Variants in ENPP3 observed in about 807,000 individuals in gnomAD.
ENPP3 encodes ectonucleotide pyrophosphatase/phosphodiesterase 3.
In ENPP3, 104 loss-of-function variants were observed where a neutral mutation model predicts 117.8. The ratio of observed to expected loss-of-function variants is 0.88; its 90% CI spans 0.75 to 1.04. ENPP3 has a LOEUF of 1.04. Among genes scored for constraint, ENPP3 ranks in the 50% least tolerant of loss-of-function variants. The pLI, the probability that ENPP3 is intolerant of heterozygous loss-of-function variation, is 0.00. For synonymous variants in ENPP3, 380 were observed against 349.9 expected, an observed-to-expected ratio of 1.09 and a Z score of -0.96; for missense variants, 1,026 against 1,051.9, an observed-to-expected ratio of 0.98 and a Z score of 0.34.
intron 24 of ENPP3, among the ~76,000 whole-genome samples, chr6:131,742,358 G>A (rs571267748): frequency 6.6e-6 from 1 of 152,096 alleles, no homozygotes; most frequent in Non-Finnish European, 1.5e-5. Flanking sequence ...CGTTATTACA[G>A]AGGTTCTAGG....
chr6:131,657,489 G>A (rs927442072), intron 5 of ENPP3, among the ~76,000 whole-genome samples: 4 of 152,198 alleles, frequency 2.6e-5, no homozygotes, highest in African/African-American at 9.7e-5. Context: ...CCTATGGACA[G>A]TAGAATAAGT....
intron 24 of ENPP3, among the ~76,000 whole-genome samples, chr6:131,745,657 T>C (rs905630264): frequency 6.6e-6 from 1 of 152,042 alleles, no homozygotes; most frequent in African/African-American, 2.4e-5. Flanking sequence ...GATGCATAAA[T>C]AAACAATAGT....
At chr6:131,661,386 T>C (rs1004313513) in intron 6 of ENPP3, among the ~76,000 whole-genome samples, 3 of 152,078 alleles carry the variant, frequency 2.0e-5, no homozygotes, top group Admixed American at 2.0e-4. Flanking sequence ...AACACCTGTT[T>C]TTGGGGTTTT....
intron 15 of ENPP3, among the ~76,000 whole-genome samples, chr6:131,704,469 A>T (rs1779598940): frequency 2.0e-5 from 2 of 98,674 alleles, no homozygotes; most frequent in African/African-American, 4.8e-5. Flanking sequence ...ACTTTTGAAA[A>T]TTTTCTTTTT....
chr6:131,663,680 C>T (rs1020161445), intron 6 of ENPP3, among the ~76,000 whole-genome samples: 13 of 147,112 alleles, frequency 8.8e-5, no homozygotes, highest in Non-Finnish European at 1.3e-4. Flanking sequence ...GGTAACAGAG[C>T]GAGTTCTTGT....
chr6:131,661,971 C>T (rs1201360834), intron 6 of ENPP3, among the ~76,000 whole-genome samples: 1 of 152,120 alleles, frequency 6.6e-6, no homozygotes, highest in Non-Finnish European at 1.5e-5. Context: ...AAATCATTGC[C>T]AAGACCAATG....
chr6:131,737,409 T>C lies in ENPP3; in HGVS notation c.2144T>C (p.Val715Ala), dbSNP rs1344215971. The change falls in exon 22 of 25, where the codon GTA becomes GCA. Residue 715 changes from valine to alanine, a missense_variant. By Grantham distance (64) the Val-to-Ala change is moderately conservative. Transcript: ENST00000357639. ...GATGCTTTAATTACTAGCAATTTGG[T>C]ACCTATGTATGAAGAATTCAGAAGT... The part of the protein sequence containing the change: ...QYDALITSNL[V>A]PMYEEFRKMW... 8 of 1,597,894 alleles carry C rather than the reference T, an allele frequency of 5.0e-6. No homozygotes were observed. Among genetic ancestry groups the C allele is most frequent in the Non-Finnish European group, 6.9e-6 (8 of 1,166,568 alleles).
At chr6:131,724,317 G>A (rs1428936268) in intron 19 of ENPP3, among the ~76,000 whole-genome samples, 1 of 150,876 alleles carries the variant, frequency 6.6e-6, no homozygotes, top group Admixed American at 6.7e-5. Flanking sequence ...ATTCCTTGAA[G>A]AGGTTGTGAC....
chr6:131,695,362 A>G (rs1027135416), intron 15 of ENPP3, among the ~76,000 whole-genome samples: 1 of 152,120 alleles, frequency 6.6e-6, no homozygotes, highest in Non-Finnish European at 1.5e-5. Context: ...TTAATACTCA[A>G]TCTCAAATGG....
At chr6:131,738,773 A>G (rs1199866816) in intron 23 of ENPP3, among the ~76,000 whole-genome samples, 1 of 152,144 alleles carries the variant, frequency 6.6e-6, no homozygotes, top group Non-Finnish European at 1.5e-5. Flanking sequence ...ATTTCTCTTT[A>G]TTATCAAAAC....
At chr6:131,689,855 T>C (rs1231882372) in intron 14 of ENPP3, among the ~76,000 whole-genome samples, 5 of 152,210 alleles carry the variant, frequency 3.3e-5, no homozygotes, top group African/African-American at 9.6e-5. Flanking sequence ...TCATCATTAA[T>C]AGGAGTTTGG....
At chr6:131,658,930 C>G (rs973872121) in intron 6 of ENPP3, among the ~76,000 whole-genome samples, 1 of 152,168 alleles carries the variant, frequency 6.6e-6, no homozygotes, top group African/African-American at 2.4e-5. Flanking sequence ...TTTCCTTCAC[C>G]TTTTAGTGAC....
At chr6:131,657,553 T>C (rs1392915278) in intron 5 of ENPP3, among the ~76,000 whole-genome samples, 1 of 152,226 alleles carries the variant, frequency 6.6e-6, no homozygotes, top group Non-Finnish European at 1.5e-5. Context: ...GAATGATCCA[T>C]AATTACTTGC....
chr6:131,642,098 C>T (rs1778057677), intron 2 of ENPP3, among the ~76,000 whole-genome samples: 1 of 152,008 alleles, frequency 6.6e-6, no homozygotes, highest in Non-Finnish European at 1.5e-5. Context: ...CCTGGCCCTT[C>T]TTCATCTTTA....
chr6:131,676,015 C>T (rs917222882), intron 9 of ENPP3, among the ~76,000 whole-genome samples: 4 of 152,124 alleles, frequency 2.6e-5, no homozygotes, highest in Non-Finnish European at 4.4e-5. Flanking sequence ...GCTACTCCCT[C>T]GGGTGCTCAC....
At chr6:131,691,600 A>G (rs1306990945) in intron 14 of ENPP3, among the ~76,000 whole-genome samples, 2 of 151,514 alleles carry the variant, frequency 1.3e-5, no homozygotes, top group Admixed American at 6.6e-5. Flanking sequence ...AAAAAAAAAA[A>G]AGAAAGAGAA....
At chr6:131,721,146 A>G (rs1199579936) in intron 17 of ENPP3, among the ~76,000 whole-genome samples, 1 of 152,210 alleles carries the variant, frequency 6.6e-6, no homozygotes, top group Admixed American at 6.5e-5. Context: ...GATTTTAGGA[A>G]GCCTAACCTA....
In ENPP3 at chr6:131,687,778, G is replaced by A. The variant is rs138526493; in HGVS notation, c.1284+1871G>A. 3.9e-3 allele frequency among the ~76,000 whole-genome samples: 593 copies of A among 152,258 alleles called. 1 individual carries two copies. The highest frequency in any genetic ancestry group is 4.5e-3 in the African/African-American group (185 of 41,562). Reference sequence around the variant, plus strand: ...CAGCTTCACTAATTCTCAGAAAAATGTAAACCAAAACCACAATGGAATAGT... The same window carrying A: ...CAGCTTCACTAATTCTCAGAAAAATATAAACCAAAACCACAATGGAATAGT... On this transcript the variant is annotated intron_variant, in intron 14 of 24. Transcript: ENST00000357639.
chr6:131,710,871 A>G, intron 15 of ENPP3: 7 of 1,610,902 alleles, frequency 4.3e-6, no homozygotes, highest in Non-Finnish European at 5.1e-6. Context: ...AAAATCCAAT[A>G]ACAGCTGCAC....
Sources: gnomAD v4.1 joint callset for allele counts (sites outside exome capture counted in the v4.1 genomes callset) on GRCh38, gnomAD v4.1.1 for gene constraint, MANE v1.5 for transcripts, NCBI Gene and HGNC (gene_info 2026-07-23, HGNC 2026-07-21) for gene names.